Variants in AOPEP observed in about 807,000 individuals in gnomAD.
AOPEP encodes aminopeptidase O (putative), also known as aminopeptidase O.
In AOPEP, 77 loss-of-function variants were observed where a neutral mutation model predicts 98.1. That is an observed-to-expected ratio of 0.78 (90% CI 0.65 to 0.95). The LOEUF (loss-of-function observed/expected upper bound fraction) is 0.95, where lower values mean the gene tolerates loss of function less well. AOPEP is among the 40% of genes least tolerant of loss of function. The pLI, the probability that AOPEP is intolerant of heterozygous loss-of-function variation, is 0.00. For missense variants in AOPEP, 1,024 were observed against 1,024.7 expected (o/e 1.00, Z 0.01); for synonymous variants, 346 against 365.3 (o/e 0.95, Z 0.60).
intron 2 of AOPEP, among the ~76,000 whole-genome samples, chr9:94,769,943 A>G (rs1840484217): frequency 6.6e-6 from 1 of 152,258 alleles, no homozygotes. Context: ...TGGTGACAAC[A>G]TGGTGGATTT....
chr9:94,813,129 G>A (rs1004268447), intron 5 of AOPEP, among the ~76,000 whole-genome samples: 6 of 152,200 alleles, frequency 3.9e-5, no homozygotes, highest in Non-Finnish European at 8.8e-5. Flanking sequence ...AAGCTATAGG[G>A]TGGGTTATAG....
chr9:94,765,203 TCCTC>T (rs1487294592), intron 2 of AOPEP, among the ~76,000 whole-genome samples: 13 of 151,880 alleles, frequency 8.6e-5, no homozygotes, highest in Admixed American at 8.5e-4. Context: ...GCCCAAGCAT[TCCTC>T]CCACCTCAGC....
chr9:95,080,875 T>C, intron 15 of AOPEP, 95 bp downstream of exon 15: 1 of 869,522 alleles, frequency 1.2e-6, no homozygotes, highest in Non-Finnish European at 2.0e-6. Flanking sequence ...TCATAACAAA[T>C]AATTAAATCT....
At chr9:94,967,680 C>T in intron 9 of AOPEP, 78 bp from the exon 10 acceptor site, 2 of 1,184,398 alleles carry the variant, frequency 1.7e-6, no homozygotes, top group Non-Finnish European at 2.5e-6. Flanking sequence ...TAGCTGGGAG[C>T]ACTCAGCCTC....
chr9:95,071,007 A>G (rs1212234119), intron 14 of AOPEP, among the ~76,000 whole-genome samples: 2 of 152,222 alleles, frequency 1.3e-5, no homozygotes, highest in African/African-American at 4.8e-5. Flanking sequence ...TAGTGTCATC[A>G]GAAGACGGAA....
intron 14 of AOPEP, among the ~76,000 whole-genome samples, chr9:95,063,793 G>A (rs928768651): frequency 6.6e-6 from 1 of 152,062 alleles, no homozygotes; most frequent in Non-Finnish European, 1.5e-5. Flanking sequence ...TGTCTTCTCC[G>A]GGGTGCTGCT....
chr9:94,802,259 A>G (rs935612585), intron 5 of AOPEP, among the ~76,000 whole-genome samples: 9 of 152,084 alleles, frequency 5.9e-5, no homozygotes, highest in African/African-American at 2.2e-4. Flanking sequence ...TTGTTCATTA[A>G]ATGTTTCTTA....
intron 13 of AOPEP, among the ~76,000 whole-genome samples, chr9:95,023,427 C>G (rs1351542999): frequency 6.6e-6 from 1 of 152,238 alleles, no homozygotes; most frequent in Non-Finnish European, 1.5e-5. Context: ...GGACGCCTGC[C>G]TCCCAGGCAG....
intron 3 of AOPEP, among the ~76,000 whole-genome samples, chr9:94,775,135 T>G (rs1322687217): frequency 6.6e-6 from 1 of 152,164 alleles, no homozygotes; most frequent in African/African-American, 2.4e-5. Context: ...GTTAAATTTA[T>G]TAGATTTCTC....
chr9:94,941,014 C>T (rs991224031), intron 7 of AOPEP, among the ~76,000 whole-genome samples: 2 of 152,168 alleles, frequency 1.3e-5, no homozygotes, highest in Admixed American at 1.3e-4. Flanking sequence ...TGCAAGAATG[C>T]CTGGTTACAA....
In AOPEP at chr9:94,950,499, C is replaced by A. The variant is rs538625395; in HGVS notation, c.1662-4678C>A. ...CCCAGTGGTCATGCTCCTTCCCCTG[C>A]AGGTCTCACCTGTGCATCTGGGGCT... On this transcript the variant is annotated intron_variant, in intron 7 of 16. Coordinates refer to ENST00000375315, the MANE Select transcript of AOPEP (RefSeq NM_001193329.3). 2.6e-5 allele frequency among the ~76,000 whole-genome samples: 4 copies of A among 152,304 alleles called. No homozygotes were observed. The South Asian group carries it at 8.3e-4, about 32-fold the overall frequency.
chr9:94,940,856 C>T (rs1312226315), intron 7 of AOPEP, among the ~76,000 whole-genome samples: 1 of 152,100 alleles, frequency 6.6e-6, no homozygotes, highest in East Asian at 1.9e-4. Flanking sequence ...CCTGCTGCCA[C>T]CCTTCCCTGG....
chr9:95,022,684 A>G (rs1465385476), intron 13 of AOPEP, among the ~76,000 whole-genome samples: 1 of 152,016 alleles, frequency 6.6e-6, no homozygotes, highest in Non-Finnish European at 1.5e-5. Context: ...CTATCTTAAT[A>G]TGTTAGAAAT....
At chr9:94,910,917 G>A (rs1207074510) in intron 5 of AOPEP, among the ~76,000 whole-genome samples, 3 of 152,174 alleles carry the variant, frequency 2.0e-5, no homozygotes, top group South Asian at 2.1e-4. Flanking sequence ...GGGCCTCCTC[G>A]TGATGTTATG....
At chr9:94,775,024 TGGCTC>T (rs1841771221) in intron 3 of AOPEP, among the ~76,000 whole-genome samples, 1 of 152,166 alleles carries the variant, frequency 6.6e-6, no homozygotes, top group African/African-American at 2.4e-5. Context: ...TCAATTTTAT[TGGCTC>T]TTTAAAAAAA....
At chr9:94,956,114 T>G (rs1049993995) in intron 9 of AOPEP, 99 bp downstream of exon 9, 1 of 701,574 alleles carries the variant, frequency 1.4e-6, no homozygotes, top group African/African-American at 1.8e-5. Flanking sequence ...GGAAAAGGTT[T>G]CCCATTTAAT....
At chr9:95,085,917 C>A in intron 16 of AOPEP, 1 of 1,248,910 alleles carries the variant, frequency 8.0e-7, no homozygotes, top group Middle Eastern at 3.5e-4. Flanking sequence ...TGAACTCTCT[C>A]TTGTATTTGC....
chr9:95,126,829 A>G, the AOPEP span: 2 of 483,882 alleles, frequency 4.1e-6, no homozygotes, highest in Non-Finnish European at 7.6e-6. Flanking sequence ...CACATTTTCT[A>G]TAAAAGCTCA....
chr9:95,028,312 G>T (rs965010898), intron 13 of AOPEP, among the ~76,000 whole-genome samples: 1 of 152,234 alleles, frequency 6.6e-6, no homozygotes, highest in Non-Finnish European at 1.5e-5. Context: ...AATCACCCTC[G>T]TGGGAGTGAT....
Sources: allele counts gnomAD v4.1 joint callset (sites outside exome capture counted in the v4.1 genomes callset), GRCh38; gene constraint gnomAD v4.1.1; transcripts MANE v1.5; gene names NCBI Gene and HGNC (gene_info 2026-07-23, HGNC 2026-07-21).